SMARCA2: variants seen among roughly 807,000 people sequenced by gnomAD.
The protein encoded by SMARCA2 is SWI/SNF related BAF chromatin remodeling complex subunit ATPase 2.
A neutral mutation model predicts 199.8 loss-of-function variants in SMARCA2; 61 were observed. The ratio of observed to expected loss-of-function variants is 0.31; its 90% confidence interval spans 0.25 to 0.38. The LOEUF (loss-of-function observed/expected upper bound fraction) is 0.38, where lower values mean the gene tolerates loss of function less well. SMARCA2 is among the 10% of genes least tolerant of loss of function. The probability of loss-of-function intolerance (pLI) is 1.00; values close to 1 mark genes in which losing one functional copy is unlikely to be tolerated. For synonymous variants in SMARCA2, 935 were observed against 732.0 expected (o/e 1.28, Z -4.48); for missense variants, 1,344 against 2,012.2 (o/e 0.67, Z 6.35).
In SMARCA2 at chr9:2,096,539, AAGAAAG is replaced by A. The variant is rs1014419110; in HGVS notation, c.2884-108_2884-103del. The A allele has an allele frequency of 1.3e-5, 9 of 681,132 alleles. No individual in the cohort carries two copies. The Admixed American group carries it at 1.8e-4, about 14-fold the overall frequency. 42.2% of individuals were successfully genotyped at this position (681,132 alleles called of 1,614,324 possible). On this transcript the variant is annotated intron_variant, in intron 19 of 33. Coordinates refer to ENST00000349721, the MANE Select transcript of SMARCA2 (RefSeq NM_003070.5). The stretch of plus-strand genomic sequence containing the variant: ...ATCTCACCCCGCACTCCGTGAATCC[AAGAAAG>A]AGAAAGAGAGACACCTTTGTGCTTC...
rs377736698 is a variant in SMARCA2, at chr9:2,053,236, T to G, written c.1047-1361T>G. Among the ~76,000 whole-genome samples the G allele has an allele frequency of 1.8e-4, 27 of 152,370 alleles. No homozygotes were observed. The South Asian group carries it at 4.1e-3, about 23-fold the overall frequency. On this transcript the variant is annotated intron_variant, in intron 5 of 33. Transcript: ENST00000349721. ...TGAGAACATGCGGTATTTGGTTTTCTGTTCCGGCATTAATTTGCTTAGGAT... is the reference window on the plus strand; with the variant it reads ...TGAGAACATGCGGTATTTGGTTTTCGGTTCCGGCATTAATTTGCTTAGGAT...
At chr9:2,164,453 A>C (rs1333590410) in intron 28 of SMARCA2, among the ~76,000 whole-genome samples, 1 of 152,176 alleles carries the variant, frequency 6.6e-6, no homozygotes, top group Non-Finnish European at 1.5e-5. Context: ...CCCATCCCAG[A>C]ATCCCAGAAA....
intron 4 of SMARCA2, chr9:2,045,275 T>C (rs1819789077): frequency 6.6e-6 from 1 of 152,256 alleles, no homozygotes; most frequent in Admixed American, 6.5e-5. Flanking sequence ...AGCATGCTTA[T>C]AGCAAGGCTT....
chr9:2,175,132 T>A (rs1826488993), intron 29 of SMARCA2, among the ~76,000 whole-genome samples: 1 of 152,024 alleles, frequency 6.6e-6, no homozygotes, highest in Admixed American at 6.6e-5. Flanking sequence ...ATCCGGTGTC[T>A]GTCTGTCATC....
Position 2,029,027 on chromosome 9 carries a change from C to G in SMARCA2, c.5C>G (p.Ser2Cys). Reference protein sequence around the residue: MSTPTDPGAMPH... With the variant: MCTPTDPGAMPH... ...TGGCAGAGACAGGAGAGGTAGATGT[C>G]CACGCCCACAGACCCTGGTGCGATG... Residue 2 changes from serine (S) to cysteine (C), a missense_variant, in exon 2 of 34, where the codon TCC (serine) becomes TGC (cysteine). Ser to Cys is a moderately radical substitution (Grantham distance 112). Transcript: ENST00000349721. The G allele has an allele frequency of 6.5e-7, 1 of 1,549,516 alleles. No homozygotes were observed. Among genetic ancestry groups the G allele is most frequent in the Non-Finnish European group, 8.7e-7 (1 of 1,147,034 alleles).
rs115103645 is a variant in SMARCA2 at position 2,159,019 on chromosome 9, A to G, written c.3982-2667A>G. 1.4e-4 allele frequency: 233 copies of G among 1,608,158 alleles called. No individual in the cohort carries two copies. The African/African-American group carries it at 2.5e-3, about 17-fold the overall frequency. On this transcript the variant is annotated intron_variant, in intron 27 of 33. Coordinates refer to ENST00000349721, the MANE Select transcript of SMARCA2 (RefSeq NM_003070.5). The stretch of plus-strand genomic sequence containing the variant: ...GTTTCCTTGTAATTCCAAAACCTAA[A>G]TTTAATAAGAATCTGCACGTATTAG...
intron 29 of SMARCA2, 29 bp from the exon 30 acceptor site, chr9:2,181,542 T>C: frequency 9.4e-7 from 1 of 1,064,074 alleles, no homozygotes; most frequent in Non-Finnish European, 1.5e-6. Flanking sequence ...TGATGTGGCT[T>C]GTTTTTGTTT....
At chr9:2,021,997 C>CGAGAT in intron 1 of SMARCA2, 1 of 150,852 alleles carries the variant, frequency 6.6e-6, no homozygotes, top group African/African-American at 2.4e-5. Context: ...AGAGACCCGG[C>CGAGAT]CTGAAGGAAC....
chr9:2,038,862 A>G (rs1207712128), intron 3 of SMARCA2, among the ~76,000 whole-genome samples: 4 of 152,186 alleles, frequency 2.6e-5, no homozygotes, highest in Non-Finnish European at 5.9e-5. Flanking sequence ...CAATAATTGC[A>G]AGTTATTCAT....
At chr9:2,109,190 G>A (rs941225486) in intron 23 of SMARCA2, among the ~76,000 whole-genome samples, 5 of 152,172 alleles carry the variant, frequency 3.3e-5, no homozygotes, top group Non-Finnish European at 7.3e-5. Context: ...AAAATGAACA[G>A]CATGTAGGAA....
At chr9:2,035,012 A>C (rs1281000768) in intron 3 of SMARCA2, among the ~76,000 whole-genome samples, 1 of 84,378 alleles carries the variant, frequency 1.2e-5, no homozygotes, top group East Asian at 2.9e-4. Context: ...ATAAGCCTTT[A>C]TTTATTTATT....
intron 27 of SMARCA2, among the ~76,000 whole-genome samples, chr9:2,147,619 G>C (rs1824830568): frequency 6.6e-6 from 1 of 152,196 alleles, no homozygotes; most frequent in Non-Finnish European, 1.5e-5. Context: ...GCCAAGGCGG[G>C]AGTATCAGCT....
intron 27 of SMARCA2, among the ~76,000 whole-genome samples, chr9:2,124,941 T>C (rs77205698): frequency 0.01 from 1,530 of 152,264 alleles, 27 homozygotes; most frequent in African/African-American, 0.035. Context: ...TGTAGTTGGG[T>C]AAAAACCAAG....
chr9:2,041,739 T>C (rs904785589), intron 4 of SMARCA2: 5 of 233,750 alleles, frequency 2.1e-5, no homozygotes, highest in African/African-American at 1.1e-4. Flanking sequence ...GGAAAGGTTA[T>C]ACAAGAAACT....
intron 27 of SMARCA2, chr9:2,160,812 C>CTT: frequency 1.2e-4 from 37 of 298,520 alleles, no homozygotes; most frequent in Non-Finnish European, 1.6e-4. Context: ...ATTTTATGTT[C>CTT]TTTTTTTTTT....
chr9:2,098,944 T>C (rs1822388265), intron 21 of SMARCA2, among the ~76,000 whole-genome samples: 1 of 142,750 alleles, frequency 7.0e-6, no homozygotes, highest in Admixed American at 7.0e-5. Flanking sequence ...CGAAACTCGG[T>C]CTCAAAAAAA....
intron 1 of SMARCA2, among the ~76,000 whole-genome samples, chr9:2,021,127 T>C (rs1818582787): frequency 6.6e-6 from 1 of 152,224 alleles, no homozygotes; most frequent in Non-Finnish European, 1.5e-5. Context: ...ATCAATCTTA[T>C]GCCAGTATGT....
chr9:2,078,386 C>T (rs1821418384), intron 14 of SMARCA2, among the ~76,000 whole-genome samples: 2 of 151,814 alleles, frequency 1.3e-5, no homozygotes, highest in African/African-American at 2.4e-5. Context: ...GCAGGAGAAT[C>T]GCTTGAGCTC....
At chr9:2,044,003 C>T (rs1157039963) in intron 4 of SMARCA2, 1 of 152,082 alleles carries the variant, frequency 6.6e-6, no homozygotes, top group East Asian at 1.9e-4. Flanking sequence ...TTGAAGATAC[C>T]AGGGAAAAGT....
Sources: allele counts gnomAD v4.1 joint callset (sites outside exome capture counted in the v4.1 genomes callset), GRCh38; gene constraint gnomAD v4.1.1; transcripts MANE v1.5; gene names NCBI Gene and HGNC (gene_info 2026-07-23, HGNC 2026-07-21).